SF3B4: variants seen among roughly 807,000 people sequenced by gnomAD.
SF3B4 encodes the protein SAP 49.
In SF3B4, 3 loss-of-function variants were observed where a neutral mutation model predicts 34.3. The observed-to-expected ratio is 0.09, with a 90% CI of 0.04 to 0.23. The LOEUF (loss-of-function observed/expected upper bound fraction) is 0.23, where lower values mean the gene tolerates loss of function less well. Ranked by LOEUF, SF3B4 falls within the 10% of genes least tolerant of loss-of-function variation. SF3B4 has a pLI of 1.00. For missense variants in SF3B4, 283 were observed against 567.2 expected (o/e 0.50, Z 5.09); for synonymous variants, 216 against 207.8 (o/e 1.04, Z -0.34).
Position 149,926,390 on chromosome 1 carries a change from C to A in SF3B4, c.692G>T (p.Gly231Val). The change falls in exon 3 of 6, where the codon GGG becomes GTG. Residue 231 changes from glycine (G) to valine (V), a missense_variant. Gly to Val is a moderately radical substitution (Grantham distance 109). Around this residue, in one of 4 missense-constraint regions of SF3B4, gnomAD observed 208 missense variants for 292.6 expected, o/e 0.71. Transcript: ENST00000271628. The surrounding 1 kb of genome is among the most constrained non-coding windows in gnomAD (Gnocchi z 6.2). The part of the protein sequence containing the change: ...PNPVVSSLGS[G>V]LPPPGMPPPG... ...AAAAGCTTTACCTGGTGGAGGAAGC[C>A]CAGACCCCAATGATGATACCACAGG... is the stretch of plus-strand genomic sequence containing the variant. 1.9e-6 allele frequency: 3 copies of A among 1,606,804 alleles called. No individual in the cohort carries two copies. The highest frequency in any genetic ancestry group is 2.6e-6 in the Non-Finnish European group (3 of 1,174,220).
rs782309123 is a variant in SF3B4 at position 149,925,815 on chromosome 1, T to C, written c.913+21A>G. On this transcript the variant is annotated intron_variant, in intron 4 of 5. Coordinates refer to ENST00000271628, the MANE Select transcript of SF3B4 (RefSeq NM_005850.5). ...TGCTCTACCAAGCTCTTCCCTCCCT[T>C]TCCCAACAAAGCACACCTACCTGGA... is the stretch of plus-strand genomic sequence containing the variant. The C allele has an allele frequency of 3.4e-5, 54 of 1,602,048 alleles. No homozygotes were observed. The South Asian group carries it at 5.6e-4, about 17-fold the overall frequency.
chr1:149,924,059 G>T, intron 4 of SF3B4, 45 bp from the exon 5 acceptor site: 1 of 1,439,396 alleles, frequency 6.9e-7, no homozygotes, highest in East Asian at 2.7e-5. Context: ...ACAAAGAGAA[G>T]GAGGCAAAGA....
intron 1 of SF3B4, chr1:149,927,519 G>C (rs2092598205): frequency 2.7e-6 from 2 of 738,420 alleles, no homozygotes; most frequent in South Asian, 1.9e-5. Context: ...TTTTGAGTGA[G>C]AAGTCAGCAG....
chr1:149,927,545 T>C (rs1003314537), intron 1 of SF3B4, 181 bp downstream of exon 1: 1 of 790,640 alleles, frequency 1.3e-6, no homozygotes. Flanking sequence ...CGGACTTAAG[T>C]ATCACACCCA....
chr1:149,923,890 A>T lies in SF3B4; in HGVS notation c.1038T>A (p.Pro346=). 1 of 1,605,532 alleles carries T rather than the reference A, an allele frequency of 6.2e-7. No homozygotes were observed. Among genetic ancestry groups the T allele is most frequent in the Non-Finnish European group, 8.5e-7 (1 of 1,177,498 alleles). The change falls in exon 5 of 6, where the codon CCT becomes CCA. Residue 346 remains proline, a synonymous_variant. Coordinates refer to ENST00000271628, the MANE Select transcript of SF3B4 (RefSeq NM_005850.5). ...CTCGGGGGGGCATGCCCATTGGAGG[A>T]GGTCCAGGATGAGGCATTCCAGGTG... The part of the protein sequence containing the change: ...RPPPGMPHPG[P]PPMGMPPRGP...
In SF3B4 at chr1:149,925,196, AC is replaced by A. The variant is rs199558445; in HGVS notation, c.913+639del. Among the ~76,000 whole-genome samples, 1,406 of 152,294 alleles carry A rather than the reference AC, an allele frequency of 9.2e-3. 28 individuals are homozygous for A. The highest frequency in any genetic ancestry group is 0.032 in the African/African-American group (1,338 of 41,554). ...AATTAAGCACCTGAAAAAAAAGAAC[AC>A]TAGAAGAAGAATGGATTTGAAGGAG... On this transcript the variant is annotated intron_variant, in intron 4 of 5. Coordinates refer to ENST00000271628, the MANE Select transcript of SF3B4 (RefSeq NM_005850.5).
chr1:149,926,062 AG>A lies in SF3B4; in HGVS notation c.707-21del. The A allele has an allele frequency of 1.6e-6, 2 of 1,269,978 alleles. No homozygotes were observed. The highest frequency in any genetic ancestry group is 3.0e-5 in the South Asian group (2 of 66,624). 78.7% of individuals were successfully genotyped at this position (1,269,978 alleles called of 1,614,324 possible). On this transcript the variant is annotated intron_variant, in intron 3 of 5. Coordinates refer to ENST00000271628, the MANE Select transcript of SF3B4 (RefSeq NM_005850.5). This position sits in a 1 kb window ranked among gnomAD's most constrained non-coding sequence, Gnocchi z 6.2. ...GCATGCCTATAGAGGAAATGGAAAA[AG>A]GAAGAGTTAATGGTAGTGAGGAGAA...
At position 149,923,704 on chromosome 1, in the gene SF3B4, A is replaced by G; in HGVS notation, c.1113T>C (p.His371=). 6.6e-7 allele frequency: 1 copy of G among 1,519,676 alleles called. No homozygotes were observed. The highest frequency in any genetic ancestry group is 8.8e-7 in the Non-Finnish European group (1 of 1,142,664). The allele number at this position is 1,519,676 out of a possible 1,614,324, so 94.1% of individuals were successfully genotyped here. The change falls in exon 6 of 6, where the codon CAT becomes CAC. Residue 371 remains histidine, a synonymous_variant. Coordinates refer to ENST00000271628, the MANE Select transcript of SF3B4 (RefSeq NM_005850.5). ...TCAGTGGAGGAGGTCCACGCATACC[A>G]TGCGGAGGCATAGGACCTGGGTGAC... The part of the protein sequence containing the change: ...PMGHPGPMPP[H]GMRGPPPLMP...
chr1:149,927,496 G>A (rs1272850574), intron 1 of SF3B4: 1 of 748,802 alleles, frequency 1.3e-6, no homozygotes, highest in South Asian at 1.9e-5. Context: ...ATTGTGAGTG[G>A]GTTTTTTTGA....
rs1553766271 is a variant in SF3B4 at position 149,927,763 on chromosome 1, G to A, written c.-4C>T. 4.5e-6 allele frequency: 7 copies of A among 1,552,798 alleles called. No homozygotes were observed. The African/African-American group carries it at 5.5e-5, about 12-fold the overall frequency. ...CGGAGATCGGCCCGGCAGCCATGGC[G>A]AAAGAGATCCCGCCGTCTCCCAGCA... On this transcript the variant is annotated 5_prime_UTR_variant, in exon 1 of 6. Transcript: ENST00000271628.
Position 149,926,056 on chromosome 1 carries a change from G to T in SF3B4, c.707-14C>A. On this transcript the variant is annotated splice_polypyrimidine_tract_variant and intron_variant, in intron 3 of 5. Coordinates refer to ENST00000271628, the MANE Select transcript of SF3B4 (RefSeq NM_005850.5). This position sits in a 1 kb window ranked among gnomAD's most constrained non-coding sequence, Gnocchi z 6.2. ...GAGGAGGCATGCCTATAGAGGAAAT[G>T]GAAAAAGGAAGAGTTAATGGTAGTG... 1 of 1,356,792 alleles carries T rather than the reference G, an allele frequency of 7.4e-7. No individual in the cohort carries two copies. Among genetic ancestry groups the T allele is most frequent in the Non-Finnish European group, 1.0e-6 (1 of 995,720 alleles). The allele number at this position is 1,356,792 out of a possible 1,614,324, so 84.0% of individuals were successfully genotyped here.
In SF3B4 at chr1:149,926,586, A is replaced by G; in HGVS notation, c.496T>C (p.Tyr166His). The G allele has an allele frequency of 6.2e-7, 1 of 1,614,242 alleles. No homozygotes were observed. The highest frequency in any genetic ancestry group is 8.5e-7 in the Non-Finnish European group (1 of 1,180,042). Residue 166 changes from tyrosine (Y) to histidine (H), a missense_variant, in exon 3 of 6, where the codon TAC becomes CAC. This residue lies in a region of SF3B4 where 35 missense variants were observed against 111.9 expected (regional missense o/e 0.31). Coordinates refer to ENST00000271628, the MANE Select transcript of SF3B4 (RefSeq NM_005850.5). The surrounding 1 kb of genome is among the most constrained non-coding windows in gnomAD (Gnocchi z 6.2). ...ACGGTGATAGGACGGTTACAGAGGT[A>G]CTGCCCATTCATGGCTTCAATTGCT... is the stretch of plus-strand genomic sequence containing the variant. Reference protein sequence around the residue: ...DAAIEAMNGQYLCNRPITVSY... With the variant: ...DAAIEAMNGQHLCNRPITVSY...
chr1:149,923,738 A>G lies in SF3B4; in HGVS notation c.1088-9T>C, dbSNP rs587681581. The G allele has an allele frequency of 6.0e-6, 9 of 1,510,344 alleles. No individual in the cohort carries two copies. In the East Asian group the frequency reaches 2.2e-4, roughly 37 times the overall value. The allele number at this position is 1,510,344 out of a possible 1,614,324, so 93.6% of individuals were successfully genotyped here. Reference sequence around the variant, plus strand: ...CATAGGACCTGGGTGACCTGCAAAGAGTAAAAGAAAAGTTAGTAAGGGCAC... The same window carrying G: ...CATAGGACCTGGGTGACCTGCAAAGGGTAAAAGAAAAGTTAGTAAGGGCAC... On this transcript the variant is annotated splice_polypyrimidine_tract_variant and intron_variant, in intron 5 of 5. Coordinates refer to ENST00000271628, the MANE Select transcript of SF3B4 (RefSeq NM_005850.5).
chr1:149,926,095 T>C lies in SF3B4; in HGVS notation c.707-53A>G, dbSNP rs374214115. 18 of 919,294 alleles carry C rather than the reference T, an allele frequency of 2.0e-5. No homozygotes were observed. In the African/African-American group the frequency reaches 2.3e-4, roughly 12 times the overall value. 56.9% of individuals were successfully genotyped at this position (919,294 alleles called of 1,614,324 possible). ...TTAATGGTAGTGAGGAGAAAATGTC[T>C]TTAAAGAGCCTGTCCTGATCTGGCC... On this transcript the variant is annotated intron_variant, in intron 3 of 5. Coordinates refer to ENST00000271628, the MANE Select transcript of SF3B4 (RefSeq NM_005850.5). This position sits in a 1 kb window ranked among gnomAD's most constrained non-coding sequence, Gnocchi z 6.2.
At position 149,923,867 on chromosome 1, in the gene SF3B4, C is replaced by T; in HGVS notation, c.1061G>A (p.Arg354Gln). The change falls in exon 5 of 6, where the codon CGA (arginine) becomes CAA (glutamine). Residue 354 changes from arginine (R) to glutamine (Q), a missense_variant. Transcript: ENST00000271628. ...PGPPPMGMPP[R>Q]GPPFGSPMGH... ...CATGGGAGATCCGAATGGAGGCCCT[C>T]GGGGGGGCATGCCCATTGGAGGAGG... is the stretch of plus-strand genomic sequence containing the variant. 6.2e-7 allele frequency: 1 copy of T among 1,601,640 alleles called. No homozygotes were observed.
In SF3B4 at chr1:149,926,063, G is replaced by C. The variant is rs782330017; in HGVS notation, c.707-21C>G. 3.1e-6 allele frequency: 4 copies of C among 1,274,760 alleles called. No homozygotes were observed. The highest frequency in any genetic ancestry group is 2.4e-5 in the East Asian group (1 of 42,000). The allele number at this position is 1,274,760 out of a possible 1,614,324, so 79.0% of individuals were successfully genotyped here. On this transcript the variant is annotated intron_variant, in intron 3 of 5. Coordinates refer to ENST00000271628, the MANE Select transcript of SF3B4 (RefSeq NM_005850.5). The surrounding 1 kb of genome is among the most constrained non-coding windows in gnomAD (Gnocchi z 6.2). Reference sequence around the variant, plus strand: ...CATGCCTATAGAGGAAATGGAAAAAGGAAGAGTTAATGGTAGTGAGGAGAA... The same window carrying C: ...CATGCCTATAGAGGAAATGGAAAAACGAAGAGTTAATGGTAGTGAGGAGAA...
chr1:149,926,440 T>C lies in SF3B4; in HGVS notation c.642A>G (p.Ala214=). The change falls in exon 3 of 6, where the codon GCA becomes GCG. Residue 214 remains alanine (A), a synonymous_variant. Coordinates refer to ENST00000271628, the MANE Select transcript of SF3B4 (RefSeq NM_005850.5). This position sits in a 1 kb window ranked among gnomAD's most constrained non-coding sequence, Gnocchi z 6.2. ...GATTGGGAGCAGAGGGTGGAGGAGGTGCATCTGCAAACAGCTGATGAGGGC... is the reference window on the plus strand; with the variant it reads ...GATTGGGAGCAGAGGGTGGAGGAGGCGCATCTGCAAACAGCTGATGAGGGC... The part of the protein sequence containing the change: ...ADRPHQLFAD[A]PPPPSAPNPV... The C allele has an allele frequency of 6.2e-7, 1 of 1,613,856 alleles. No individual in the cohort carries two copies. The highest frequency in any genetic ancestry group is 8.5e-7 in the Non-Finnish European group (1 of 1,179,932).
chr1:149,923,328 T>A lies in SF3B4; in HGVS notation c.*214A>T. 1 of 494,338 alleles carries A rather than the reference T, an allele frequency of 2.0e-6. No homozygotes were observed. Among genetic ancestry groups the A allele is most frequent in the Non-Finnish European group, 3.5e-6 (1 of 282,254 alleles). The allele number at this position is 494,338 out of a possible 1,614,324, so 30.6% of individuals were successfully genotyped here. On this transcript the variant is annotated 3_prime_UTR_variant, in exon 6 of 6. Coordinates refer to ENST00000271628, the MANE Select transcript of SF3B4 (RefSeq NM_005850.5). ...GAAAACACCACAAATAAACAAGGAG[T>A]TTAGTTTTATTTTCTCTGTGCATTT...
At chr1:149,924,805 C>T (rs1198264337) in intron 4 of SF3B4, among the ~76,000 whole-genome samples, 1 of 152,124 alleles carries the variant, frequency 6.6e-6, no homozygotes, top group Admixed American at 6.5e-5. Context: ...CCAGTTAACT[C>T]AGTAATCAGG....
Sources: allele counts gnomAD v4.1 joint callset (sites outside exome capture counted in the v4.1 genomes callset), GRCh38; gene constraint gnomAD v4.1.1; regional missense constraint gnomAD v4.1.1; non-coding constraint Gnocchi (gnomAD v3.1); transcripts MANE v1.5; gene names NCBI Gene and HGNC (gene_info 2026-07-23, HGNC 2026-07-21).